Variants in SETBP1 observed in about 807,000 individuals in gnomAD.
SETBP1 encodes SET binding protein 1.
In SETBP1, 9 loss-of-function variants were observed where a neutral mutation model predicts 101.0. The ratio of observed to expected loss-of-function variants is 0.09; its 90% CI spans 0.05 to 0.16. The LOEUF is 0.16. Ranked by LOEUF, SETBP1 falls within the 10% of genes least tolerant of loss-of-function variation. SETBP1 has a pLI of 1.00. For synonymous variants in SETBP1, 818 were observed against 788.5 expected (o/e 1.04, Z -0.63); for missense variants, 1,858 against 2,033.8 (o/e 0.91, Z 1.66).
At chr18:45,027,370 C>T (rs2073188032) in intron 4 of SETBP1, among the ~76,000 whole-genome samples, 1 of 152,150 alleles carries the variant, frequency 6.6e-6, no homozygotes, top group African/African-American at 2.4e-5. Flanking sequence ...CAAGTCTTGT[C>T]CAAGTTCATC....
intron 2 of SETBP1, among the ~76,000 whole-genome samples, chr18:44,761,641 G>A (rs1054413177): frequency 2.0e-5 from 3 of 152,136 alleles, no homozygotes; most frequent in African/African-American, 7.2e-5. Context: ...ATAGATTACA[G>A]TGCTCTTATT....
intron 2 of SETBP1, among the ~76,000 whole-genome samples, chr18:44,758,455 T>A (rs2070555564): frequency 6.6e-6 from 1 of 151,588 alleles, no homozygotes; most frequent in Non-Finnish European, 1.5e-5. Context: ...CGATCTCAGC[T>A]CACTGCAAGC....
chr18:44,972,593 T>A (rs746070259), intron 4 of SETBP1, among the ~76,000 whole-genome samples: 1 of 152,194 alleles, frequency 6.6e-6, no homozygotes, highest in South Asian at 2.1e-4. Context: ...ATCCTTCACA[T>A]CCCTTGTAAG....
At chr18:44,869,397 T>G in intron 3 of SETBP1, 114 bp downstream of exon 3, 1 of 951,638 alleles carries the variant, frequency 1.1e-6, no homozygotes, top group Non-Finnish European at 1.7e-6. Context: ...ATTTCTAGCT[T>G]CTTTCCCTAG....
chr18:44,816,174 G>A (rs1017412990), intron 2 of SETBP1, among the ~76,000 whole-genome samples: 1 of 152,170 alleles, frequency 6.6e-6, no homozygotes, highest in Non-Finnish European at 1.5e-5. Flanking sequence ...GTGGGGAAGG[G>A]AACAGCAGCT....
intron 2 of SETBP1, among the ~76,000 whole-genome samples, chr18:44,828,407 G>A (rs1376273771): frequency 1.3e-5 from 2 of 152,204 alleles, no homozygotes; most frequent in African/African-American, 2.4e-5. Context: ...ATTCAATGTA[G>A]TAGATGAAAA....
intron 4 of SETBP1, among the ~76,000 whole-genome samples, chr18:44,980,631 G>GC (rs1326259350): frequency 6.6e-5 from 10 of 152,168 alleles, no homozygotes; most frequent in Non-Finnish European, 1.5e-4. Context: ...AGGTTGAGGA[G>GC]CCTTGAAAGG....
chr18:44,847,996 C>T (rs946619400), intron 2 of SETBP1, among the ~76,000 whole-genome samples: 2 of 152,062 alleles, frequency 1.3e-5, no homozygotes, highest in Admixed American at 1.3e-4. Context: ...ATCTTAATGA[C>T]CCTGGAAACT....
intron 5 of SETBP1, among the ~76,000 whole-genome samples, chr18:45,043,439 GAA>G (rs34933092): frequency 2.9e-5 from 4 of 137,884 alleles, no homozygotes; most frequent in Non-Finnish European, 4.7e-5. Context: ...AGTCCAAGGA[GAA>G]AAAAAAAAAA....
chr18:45,037,145 TG>T (rs2073413921), intron 4 of SETBP1, among the ~76,000 whole-genome samples: 1 of 152,148 alleles, frequency 6.6e-6, no homozygotes, highest in Non-Finnish European at 1.5e-5. Context: ...AGAACCAATA[TG>T]GTAAGGCCCA....
At chr18:44,713,194 T>C (rs1327765074) in intron 2 of SETBP1, among the ~76,000 whole-genome samples, 1 of 151,996 alleles carries the variant, frequency 6.6e-6, no homozygotes, top group African/African-American at 2.4e-5. Context: ...TCTGACCTCG[T>C]GATCCTCCCA....
Position 44,951,040 on chromosome 18 carries a change from C to G in SETBP1, c.1700C>G (p.Ser567Cys). 6.2e-7 allele frequency: 1 copy of G among 1,614,096 alleles called. No homozygotes were observed. Among genetic ancestry groups the G allele is most frequent in the Non-Finnish European group, 8.5e-7 (1 of 1,180,022 alleles). The change falls in exon 4 of 6, where the codon TCC becomes TGC. Residue 567 changes from serine (S) to cysteine (C), a missense_variant. Ser to Cys is a moderately radical substitution (Grantham distance 112). Transcript: ENST00000649279. This position sits in a 1 kb window ranked among gnomAD's most constrained non-coding sequence, Gnocchi z 7.8. ...CCGTCTGCATATCCCATCACCCCATCCAGCCCTCTCTACACCAACACAGAC... is the reference window on the plus strand; with the variant it reads ...CCGTCTGCATATCCCATCACCCCATGCAGCCCTCTCTACACCAACACAGAC... ...EPPSAYPITP[S>C]SPLYTNTDSL...
intron 3 of SETBP1, among the ~76,000 whole-genome samples, chr18:44,903,221 T>TA (rs1183549104): frequency 1.3e-5 from 2 of 151,988 alleles, no homozygotes; most frequent in Admixed American, 6.6e-5. Flanking sequence ...CTATTCCACA[T>TA]AAAAAAATAG....
At chr18:44,934,685 T>C (rs1395352505) in intron 3 of SETBP1, among the ~76,000 whole-genome samples, 2 of 152,316 alleles carry the variant, frequency 1.3e-5, no homozygotes, top group East Asian at 3.9e-4. Flanking sequence ...AGGGTAACTA[T>C]ATTATGTTTC....
chr18:45,029,226 A>G (rs1295583083), intron 4 of SETBP1, among the ~76,000 whole-genome samples: 2 of 152,166 alleles, frequency 1.3e-5, no homozygotes, highest in Admixed American at 1.3e-4. Flanking sequence ...AGCTTTCTAC[A>G]TATGGCTAGC....
intron 4 of SETBP1, among the ~76,000 whole-genome samples, chr18:44,977,328 G>A (rs2072012394): frequency 6.6e-6 from 1 of 152,246 alleles, no homozygotes; most frequent in Non-Finnish European, 1.5e-5. Flanking sequence ...AAAGAAGGGA[G>A]AGAGGGCAGA....
Position 44,952,314 on chromosome 18 carries a change from C to G in SETBP1, c.2974C>G (p.His992Asp). The G allele has an allele frequency of 6.2e-7, 1 of 1,614,122 alleles. No homozygotes were observed. Among genetic ancestry groups the G allele is most frequent in the East Asian group, 2.2e-5 (1 of 44,874 alleles). ...YPSIFRINFD[H>D]YYPVPYIQYD... ...CAGCATTTTTCGGATTAATTTTGATCACTATTACCCGGTGCCATATATCCA... is the reference window on the plus strand; with the variant it reads ...CAGCATTTTTCGGATTAATTTTGATGACTATTACCCGGTGCCATATATCCA... Residue 992 changes from histidine (H) to aspartate (D), a missense_variant, in exon 4 of 6, where the codon CAC (histidine) becomes GAC (aspartate). By Grantham distance (81) the His-to-Asp change is moderately conservative (BLOSUM62 -1). Around this residue, in one of 12 missense-constraint regions of SETBP1, gnomAD observed 255 missense variants for 300.1 expected, o/e 0.85. Transcript: ENST00000649279.
At chr18:44,865,160 A>T (rs1393765361) in intron 2 of SETBP1, among the ~76,000 whole-genome samples, 1 of 152,152 alleles carries the variant, frequency 6.6e-6, no homozygotes, top group East Asian at 1.9e-4. Context: ...AGCAGACTTA[A>T]CCAATCCTAT....
At chr18:45,048,965 C>A (rs1274329159) in intron 5 of SETBP1, among the ~76,000 whole-genome samples, 3 of 97,380 alleles carry the variant, frequency 3.1e-5, no homozygotes, top group African/African-American at 1.2e-4. Context: ...GGCGACAGAG[C>A]GAGACTCCGT....
Sources: allele counts gnomAD v4.1 joint callset (sites outside exome capture counted in the v4.1 genomes callset), GRCh38; gene constraint gnomAD v4.1.1; regional missense constraint gnomAD v4.1.1; non-coding constraint Gnocchi (gnomAD v3.1); transcripts MANE v1.5; gene names NCBI Gene and HGNC (gene_info 2026-07-23, HGNC 2026-07-21).